Variants in LAMB4 observed in about 807,000 individuals in gnomAD.
LAMB4 encodes laminin subunit beta-4.
LAMB4 carries 196 observed loss-of-function variants against 199.2 expected under a neutral mutation model. That is an observed-to-expected ratio of 0.98 (90% CI 0.88 to 1.11). The LOEUF (loss-of-function observed/expected upper bound fraction) is 1.11, where lower values mean the gene tolerates loss of function less well. Among genes scored for constraint, LAMB4 ranks in the 50% least tolerant of loss-of-function variants. LAMB4 has a pLI of 0.00. For missense variants in LAMB4, 2,080 were observed against 2,171.2 expected (o/e 0.96, Z 0.83); for synonymous variants, 744 against 770.6 (o/e 0.97, Z 0.57).
Position 108,062,761 on chromosome 7 carries a change from TAA to T in LAMB4, c.3282+11_3282+12del. On this transcript the variant is annotated intron_variant, in intron 23 of 33. Coordinates refer to ENST00000388781, the MANE Select transcript of LAMB4 (RefSeq NM_007356.3). ...TCACTTTGAGTGCACTAGTAAGCTT[TAA>T]AGTATCTTGCCTGGTCACAGTGGCT... 1 of 1,388,002 alleles carries T rather than the reference TAA, an allele frequency of 7.2e-7. No homozygotes were observed. Among genetic ancestry groups the T allele is most frequent in the Non-Finnish European group, 9.5e-7 (1 of 1,057,254 alleles). 86.0% of individuals were successfully genotyped at this position (1,388,002 alleles called of 1,614,324 possible).
intron 1 of LAMB4, 114 bp downstream of exon 1, chr7:108,130,192 C>T (rs1407546565): frequency 1.3e-5 from 2 of 152,136 alleles, no homozygotes; most frequent in Non-Finnish European, 2.9e-5. Context: ...AATCTATGTG[C>T]TAATATGTCC....
rs1036891872 is a variant in LAMB4, at chr7:108,039,943, G to A, written c.4472-2348C>T. On this transcript the variant is annotated intron_variant, in intron 29 of 33. Transcript: ENST00000388781. ...AATCAGGCAAAAGAAAGAACAAAGC[G>A]TATCCAAATAGGAAGAGAGGAAGTC... is the stretch of plus-strand genomic sequence containing the variant. Among the ~76,000 whole-genome samples the A allele has an allele frequency of 6.6e-5, 10 of 152,270 alleles. No homozygotes were observed. The East Asian group carries it at 9.6e-4, about 15-fold the overall frequency.
intron 3 of LAMB4, among the ~76,000 whole-genome samples, chr7:108,113,317 T>G (rs1286410778): frequency 6.6e-6 from 1 of 152,224 alleles, no homozygotes; most frequent in Non-Finnish European, 1.5e-5. Flanking sequence ...TATTGCTGTA[T>G]CTCCATTACC....
chr7:108,057,861 T>G lies in LAMB4; in HGVS notation c.3350A>C (p.Tyr1117Ser), dbSNP rs766092225. ...GKRCSECQENYYGDPPGRCIP... is the reference protein window; with the variant it reads ...GKRCSECQENSYGDPPGRCIP... ...GCATCGCCCAGGTGGATCACCATAA[T>G]AATTTTCCTGGCACTCACTGCAACG... The change falls in exon 24 of 34, where the codon TAT becomes TCT. Residue 1117 changes from tyrosine (Y) to serine (S), a missense_variant. Transcript: ENST00000388781. The G allele has an allele frequency of 1.9e-6, 3 of 1,613,468 alleles. No homozygotes were observed. The South Asian group carries it at 3.3e-5, about 18-fold the overall frequency.
intron 8 of LAMB4, 51 bp from the exon 9 acceptor site, chr7:108,104,670 G>A (rs543209274): frequency 1.7e-4 from 265 of 1,588,544 alleles, no homozygotes; most frequent in Non-Finnish European, 2.1e-4. Flanking sequence ...CCTTGGGGAC[G>A]TTGGGGTTCT....
intron 28 of LAMB4, among the ~76,000 whole-genome samples, chr7:108,047,199 G>A (rs1039126772): frequency 6.6e-6 from 1 of 151,852 alleles, no homozygotes; most frequent in African/African-American, 2.4e-5. Flanking sequence ...ACACACACAC[G>A]TACACACTTG....
intron 28 of LAMB4, among the ~76,000 whole-genome samples, chr7:108,047,188 TAC>T (rs2035656309): frequency 6.6e-6 from 1 of 152,106 alleles, no homozygotes; most frequent in African/African-American, 2.4e-5. Flanking sequence ...TCTCTCTCTT[TAC>T]ACACACACGT....
At chr7:108,127,701 G>A (rs940141011) in intron 1 of LAMB4, among the ~76,000 whole-genome samples, 9 of 152,206 alleles carry the variant, frequency 5.9e-5, no homozygotes, top group Non-Finnish European at 8.8e-5. Flanking sequence ...ATGCTGCCAC[G>A]TGCCCTCCAG....
At chr7:108,054,752 A>G (rs2150531158) in intron 25 of LAMB4, among the ~76,000 whole-genome samples, 1 of 152,314 alleles carries the variant, frequency 6.6e-6, no homozygotes, top group South Asian at 2.1e-4. Flanking sequence ...CTGTGCTCCA[A>G]GGAAACTTTA....
intron 1 of LAMB4, among the ~76,000 whole-genome samples, chr7:108,128,294 CCT>C (rs570241471): frequency 1.6e-3 from 249 of 152,246 alleles, no homozygotes; most frequent in Non-Finnish European, 2.5e-3. Context: ...CCTTCTTTGG[CCT>C]CTCAAACATG....
chr7:108,025,921 C>T (rs1636950), intron 33 of LAMB4, among the ~76,000 whole-genome samples: 30,689 of 152,100 alleles, frequency 0.2, 7,219 homozygotes, highest in African/African-American at 0.58. Context: ...GCACTTGGCT[C>T]CCTTGACCTC....
chr7:108,029,904 G>A (rs1215107304), intron 32 of LAMB4, among the ~76,000 whole-genome samples: 2 of 152,150 alleles, frequency 1.3e-5, no homozygotes, highest in African/African-American at 2.4e-5. Flanking sequence ...CGGATCATGA[G>A]GTTAGGAGAT....
intron 12 of LAMB4, among the ~76,000 whole-genome samples, chr7:108,094,449 T>G (rs1223615537): frequency 6.6e-6 from 1 of 152,188 alleles, no homozygotes; most frequent in Non-Finnish European, 1.5e-5. Context: ...CCCATCCTGT[T>G]TTCAGTAAAA....
intron 17 of LAMB4, among the ~76,000 whole-genome samples, chr7:108,073,523 G>T (rs559802564): frequency 6.6e-6 from 1 of 152,342 alleles, no homozygotes; most frequent in South Asian, 2.1e-4. Flanking sequence ...ATCTCACAGT[G>T]CTTGCCAAAC....
In LAMB4 at chr7:108,076,981, C is replaced by T. The variant is rs779181797; in HGVS notation, c.2087G>A (p.Gly696Glu). 1.2e-6 allele frequency: 2 copies of T among 1,614,044 alleles called. No homozygotes were observed. Among genetic ancestry groups the T allele is most frequent in the Admixed American group, 3.3e-5 (2 of 60,020 alleles). ...GACATGTGAATGAGCGTGGGACTCT[C>T]CTTGCAAAGGCTGAGAAAAATAGAC... The part of the protein sequence containing the change: ...IDVYFSQPLQ[G>E]ESHAHSHVLV... The change falls in exon 17 of 34, where the codon GGA (glycine) becomes GAA (glutamate). Residue 696 changes from glycine to glutamate, a missense_variant. Gly to Glu is a moderately conservative substitution (Grantham distance 98). Transcript: ENST00000388781.
intron 2 of LAMB4, among the ~76,000 whole-genome samples, chr7:108,120,310 A>G (rs1275268269): frequency 6.6e-6 from 1 of 152,210 alleles, no homozygotes; most frequent in Non-Finnish European, 1.5e-5. Context: ...TCTTACTTAA[A>G]CATTATTCAC....
At chr7:108,041,091 A>G (rs561254274) in intron 29 of LAMB4, among the ~76,000 whole-genome samples, 2 of 152,306 alleles carry the variant, frequency 1.3e-5, no homozygotes, top group African/African-American at 4.8e-5. Context: ...CAAAGGACAT[A>G]AACAGATACT....
chr7:108,033,765 T>C (rs1233022568), intron 31 of LAMB4, among the ~76,000 whole-genome samples: 1 of 148,432 alleles, frequency 6.7e-6, no homozygotes, highest in East Asian at 2.0e-4. Flanking sequence ...TTTTTAGTTT[T>C]AGGATACTCT....
At chr7:108,109,452 C>T (rs970778128) in intron 4 of LAMB4, among the ~76,000 whole-genome samples, 12 of 152,146 alleles carry the variant, frequency 7.9e-5, no homozygotes, top group Admixed American at 7.2e-4. Context: ...CTGACTGTGC[C>T]CACATCTGTG....
Sources: gnomAD v4.1 joint callset for allele counts (sites outside exome capture counted in the v4.1 genomes callset) on GRCh38, gnomAD v4.1.1 for gene constraint, MANE v1.5 for transcripts, NCBI Gene and HGNC (gene_info 2026-07-23, HGNC 2026-07-21) for gene names.